The following NPAS3 variants were observed in gnomAD, a reference collection of about 807,000 sequenced individuals.
NPAS3 encodes the protein neuronal PAS domain-containing protein 3.
In NPAS3, 14 loss-of-function variants were observed where a neutral mutation model predicts 73.1. The ratio of observed to expected loss-of-function variants is 0.19; its 90% CI spans 0.13 to 0.30. The LOEUF (loss-of-function observed/expected upper bound fraction) is 0.30, where lower values mean the gene tolerates loss of function less well. Ranked by LOEUF, NPAS3 falls within the 10% of genes least tolerant of loss-of-function variation. The probability of loss-of-function intolerance (pLI) is 1.00; values close to 1 mark genes in which losing one functional copy is unlikely to be tolerated. For missense variants in NPAS3, 1,096 were observed against 1,250.0 expected (o/e 0.88, Z 1.86); for synonymous variants, 620 against 541.5 (o/e 1.14, Z -2.01).
At chr14:33,250,916 C>G (rs2139890333) in intron 3 of NPAS3, among the ~76,000 whole-genome samples, 1 of 152,178 alleles carries the variant, frequency 6.6e-6, no homozygotes, top group East Asian at 1.9e-4. Flanking sequence ...TCTTGTTACT[C>G]TTGAAACAAC....
At chr14:33,463,551 G>A (rs947453699) in intron 4 of NPAS3, among the ~76,000 whole-genome samples, 1 of 152,104 alleles carries the variant, frequency 6.6e-6, no homozygotes. Flanking sequence ...GATTTCAAAG[G>A]TTTATAAATA....
intron 1 of NPAS3, among the ~76,000 whole-genome samples, chr14:32,995,556 A>G (rs2038533253): frequency 6.6e-6 from 1 of 152,220 alleles, no homozygotes; most frequent in South Asian, 2.1e-4. Flanking sequence ...AAGTCTCACA[A>G]TTCCCATGTA....
intron 4 of NPAS3, among the ~76,000 whole-genome samples, chr14:33,475,611 A>G (rs545259850): frequency 6.6e-6 from 1 of 152,064 alleles, no homozygotes; most frequent in East Asian, 1.9e-4. Context: ...TAGTTCAAGA[A>G]CTGTCTGAAA....
downstream of NPAS3, chr14:33,802,386 A>AAG (rs903192305): frequency 1.3e-5 from 2 of 150,336 alleles, no homozygotes; most frequent in Admixed American, 1.3e-4. Flanking sequence ...TAAAAAAAAA[A>AAG]AAAAAGAAAA....
chr14:33,196,733 T>C (rs17555909), intron 2 of NPAS3, among the ~76,000 whole-genome samples: 13,258 of 152,274 alleles, frequency 0.087, 785 homozygotes, highest in Non-Finnish European at 0.12. Context: ...TGCAATATAA[T>C]AGACCCAACT....
chr14:33,600,928 A>T lies in NPAS3; in HGVS notation c.558+40718A>T, dbSNP rs138454394. 1.4e-4 allele frequency among the ~76,000 whole-genome samples: 22 copies of T among 152,328 alleles called. 1 individual carries two copies. The highest frequency in any genetic ancestry group is 5.3e-4 in the African/African-American group (22 of 41,572). On this transcript the variant is annotated intron_variant, in intron 5 of 11. Transcript: ENST00000356141. ...TTGCTTTAAGTGGACCTTGAAGGAT[A>T]GGAGAGGTGAGGCCATGAGCACTGC...
At chr14:33,684,494 C>T (rs1206420338) in intron 6 of NPAS3, among the ~76,000 whole-genome samples, 2 of 152,134 alleles carry the variant, frequency 1.3e-5, no homozygotes, top group East Asian at 3.9e-4. Context: ...GATGGGGTTT[C>T]ACCGTGTTGG....
At chr14:32,989,604 C>T (rs1170469056) in intron 1 of NPAS3, among the ~76,000 whole-genome samples, 1 of 152,152 alleles carries the variant, frequency 6.6e-6, no homozygotes, top group Non-Finnish European at 1.5e-5. Context: ...GAGAGCCCGC[C>T]ACTGCACTCC....
chr14:33,553,045 G>A (rs138078964), intron 4 of NPAS3, among the ~76,000 whole-genome samples: 2 of 152,178 alleles, frequency 1.3e-5, no homozygotes, highest in Non-Finnish European at 2.9e-5. Flanking sequence ...ATGGAGCCCC[G>A]GTTCCTCTGG....
intron 4 of NPAS3, among the ~76,000 whole-genome samples, chr14:33,427,751 A>C (rs2048615423): frequency 6.6e-6 from 1 of 152,076 alleles, no homozygotes; most frequent in South Asian, 2.1e-4. Context: ...TAACACTCAG[A>C]AGAAGGGCTG....
chr14:33,690,744 A>T (rs907630913), intron 6 of NPAS3, among the ~76,000 whole-genome samples: 7 of 152,120 alleles, frequency 4.6e-5, no homozygotes, highest in Non-Finnish European at 8.8e-5. Flanking sequence ...TGTGTTGAAA[A>T]TTTTAATTCT....
chr14:33,543,420 A>AT (rs1030980830), intron 4 of NPAS3, among the ~76,000 whole-genome samples: 3 of 152,096 alleles, frequency 2.0e-5, no homozygotes, highest in African/African-American at 7.2e-5. Context: ...TTCTTTATAG[A>AT]TTTTATATCA....
chr14:33,495,804 T>G (rs986885023), intron 4 of NPAS3, among the ~76,000 whole-genome samples: 2 of 152,056 alleles, frequency 1.3e-5, no homozygotes, highest in Non-Finnish European at 2.9e-5. Flanking sequence ...CAACCTCTAC[T>G]TTATTTTGCT....
chr14:33,262,120 T>C (rs898441868), intron 3 of NPAS3, among the ~76,000 whole-genome samples: 11 of 152,184 alleles, frequency 7.2e-5, no homozygotes, highest in African/African-American at 2.4e-4. Flanking sequence ...TTTTAACAAG[T>C]TGAAGGGAGG....
intron 6 of NPAS3, among the ~76,000 whole-genome samples, chr14:33,711,831 G>A (rs371300631): frequency 6.6e-6 from 1 of 152,030 alleles, no homozygotes. Context: ...CCATAGTCAG[G>A]TGCCTGCTCA....
At chr14:32,979,262 C>CA (rs935333377) in intron 1 of NPAS3, among the ~76,000 whole-genome samples, 1 of 152,156 alleles carries the variant, frequency 6.6e-6, no homozygotes, top group Non-Finnish European at 1.5e-5. Flanking sequence ...TGCCTTCAAA[C>CA]AAATTGAGCT....
intron 5 of NPAS3, among the ~76,000 whole-genome samples, chr14:33,633,400 T>G (rs569479056): frequency 1.3e-5 from 2 of 152,312 alleles, no homozygotes; most frequent in South Asian, 4.1e-4. Context: ...TACAGTCATG[T>G]GTTGCTTAAT....
chr14:33,399,296 T>C (rs1468704036), intron 4 of NPAS3, among the ~76,000 whole-genome samples: 1 of 152,098 alleles, frequency 6.6e-6, no homozygotes, highest in Non-Finnish European at 1.5e-5. Flanking sequence ...GAGTCTGACA[T>C]TACAGGCAGC....
intron 5 of NPAS3, among the ~76,000 whole-genome samples, chr14:33,602,440 C>A (rs572513708): frequency 6.6e-6 from 1 of 152,270 alleles, no homozygotes; most frequent in Admixed American, 6.5e-5. Flanking sequence ...CTGCATCTTG[C>A]TATCAGAGTT....
Sources: allele counts gnomAD v4.1 joint callset (sites outside exome capture counted in the v4.1 genomes callset), GRCh38; gene constraint gnomAD v4.1.1; transcripts MANE v1.5; gene names NCBI Gene and HGNC (gene_info 2026-07-23, HGNC 2026-07-21).